PGAP1: variants seen among roughly 807,000 people sequenced by gnomAD.
The protein encoded by PGAP1 is GPI inositol-deacylase.
PGAP1 carries 76 observed loss-of-function variants against 127.0 expected under a neutral mutation model. The ratio of observed to expected loss-of-function variants is 0.60; its 90% CI spans 0.50 to 0.72. PGAP1 has a LOEUF of 0.72. Among genes scored for constraint, PGAP1 ranks in the 30% least tolerant of loss-of-function variants. The probability of loss-of-function intolerance (pLI) is 0.00; values close to 1 mark genes in which losing one functional copy is unlikely to be tolerated. For synonymous variants in PGAP1, 362 were observed against 366.5 expected (o/e 0.99, Z 0.14); for missense variants, 982 against 1,071.3 (o/e 0.92, Z 1.16).
intron 20 of PGAP1, among the ~76,000 whole-genome samples, chr2:196,851,147 T>C (rs1033363458): frequency 1.1e-5 from 1 of 87,824 alleles, no homozygotes; most frequent in African/African-American, 7.4e-5. Flanking sequence ...GGAGTCACTG[T>C]TTTTTTGTTT....
intron 12 of PGAP1, among the ~76,000 whole-genome samples, chr2:196,880,515 T>C (rs918512195): frequency 2.0e-5 from 3 of 152,222 alleles, no homozygotes; most frequent in Non-Finnish European, 4.4e-5. Flanking sequence ...GTATTGTTTC[T>C]ACATTTATTT....
chr2:196,851,917 C>T (rs7557341), intron 20 of PGAP1, among the ~76,000 whole-genome samples: 5 of 151,912 alleles, frequency 3.3e-5, no homozygotes, highest in Non-Finnish European at 4.4e-5. Flanking sequence ...ACATTCTGTT[C>T]GTTAGACATG....
At position 196,889,300 on chromosome 2, in the gene PGAP1, G is replaced by C. The variant is rs560001554; in HGVS notation, c.1173+1528C>G. On this transcript the variant is annotated intron_variant, in intron 10 of 26. Coordinates refer to ENST00000354764, the MANE Select transcript of PGAP1 (RefSeq NM_024989.4). ...TAGGCTGAGAGATGCAAGTCTCTGT[G>C]AGAGATGCAAAAGTCTGGTAATTTC... is the stretch of plus-strand genomic sequence containing the variant. 3.3e-5 allele frequency among the ~76,000 whole-genome samples: 5 copies of C among 152,228 alleles called. No homozygotes were observed. In the South Asian group the frequency reaches 1.0e-3, roughly 32 times the overall value.
Position 196,852,541 on chromosome 2 carries a change from G to T in PGAP1, c.1862-4504C>A, listed in dbSNP as rs4405783. Among the ~76,000 whole-genome samples, 628 of 151,572 alleles carry T rather than the reference G, an allele frequency of 4.1e-3. 4 individuals are homozygous for T. Among genetic ancestry groups the T allele is most frequent in the African/African-American group, 0.014 (584 of 41,262 alleles). On this transcript the variant is annotated intron_variant, in intron 20 of 26. Coordinates refer to ENST00000354764, the MANE Select transcript of PGAP1 (RefSeq NM_024989.4). ...GTATATAAAATATATCAAAAATAAT[G>T]TATTATTGATGAGAAAAATTATAAG...
At chr2:196,883,636 T>G (rs1363023928) in intron 12 of PGAP1, among the ~76,000 whole-genome samples, 1 of 152,230 alleles carries the variant, frequency 6.6e-6, no homozygotes, top group African/African-American at 2.4e-5. Flanking sequence ...CGTGCTTTGA[T>G]GGAGGGCTCC....
At chr2:196,904,817 C>G (rs761732536) in intron 4 of PGAP1, among the ~76,000 whole-genome samples, 1 of 152,100 alleles carries the variant, frequency 6.6e-6, no homozygotes, top group Non-Finnish European at 1.5e-5. Flanking sequence ...GGCTACTTAG[C>G]CTTCATACTT....
chr2:196,879,822 G>T (rs991501868), intron 13 of PGAP1, among the ~76,000 whole-genome samples: 4 of 152,054 alleles, frequency 2.6e-5, no homozygotes, highest in African/African-American at 9.7e-5. Context: ...ATTATTATGT[G>T]CCTAATAATT....
At chr2:196,924,946 T>C (rs996120203) in intron 1 of PGAP1, among the ~76,000 whole-genome samples, 1 of 152,206 alleles carries the variant, frequency 6.6e-6, no homozygotes, top group Non-Finnish European at 1.5e-5. Flanking sequence ...AACTCTTCAA[T>C]GCGGTACAAA....
intron 4 of PGAP1, among the ~76,000 whole-genome samples, chr2:196,904,387 G>C (rs553314761): frequency 2.6e-5 from 4 of 152,264 alleles, no homozygotes; most frequent in African/African-American, 7.2e-5. Flanking sequence ...GGAAAACAAA[G>C]AAAATGAAGA....
At chr2:196,852,804 A>G (rs1424512229) in intron 20 of PGAP1, among the ~76,000 whole-genome samples, 2 of 152,170 alleles carry the variant, frequency 1.3e-5, no homozygotes, top group Non-Finnish European at 2.9e-5. Flanking sequence ...TTTTTGTCCT[A>G]AAGTAAAATG....
At chr2:196,865,832 A>G (rs1164887905) in intron 19 of PGAP1, among the ~76,000 whole-genome samples, 1 of 152,198 alleles carries the variant, frequency 6.6e-6, no homozygotes, top group Non-Finnish European at 1.5e-5. Flanking sequence ...CACCAGTAAC[A>G]GACAAACAGA....
chr2:196,919,328 G>A (rs1703110496), intron 2 of PGAP1, among the ~76,000 whole-genome samples: 1 of 152,180 alleles, frequency 6.6e-6, no homozygotes, highest in Admixed American at 6.5e-5. Context: ...CTGTAGACAC[G>A]TGCTAGATGA....
intron 19 of PGAP1, among the ~76,000 whole-genome samples, chr2:196,865,824 C>T (rs1701221824): frequency 6.6e-6 from 1 of 152,030 alleles, no homozygotes; most frequent in South Asian, 2.1e-4. Flanking sequence ...TTCCTATACA[C>T]CAGTAACAGA....
At chr2:196,842,692 TA>T in intron 26 of PGAP1, 28 bp downstream of exon 26, 1 of 1,201,018 alleles carries the variant, frequency 8.3e-7, no homozygotes, top group Non-Finnish European at 1.2e-6. Flanking sequence ...AGAACAGATA[TA>T]AGAAAAAGAA....
At chr2:196,906,460 T>G (rs1702719887) in intron 4 of PGAP1, among the ~76,000 whole-genome samples, 1 of 25,514 alleles carries the variant, frequency 3.9e-5, no homozygotes, top group African/African-American at 8.7e-5. Flanking sequence ...TACATCACCA[T>G]CATCAAAGAC....
Position 196,844,074 on chromosome 2 carries a change from T to C in PGAP1, c.2339A>G (p.Asn780Ser). 2 of 1,542,574 alleles carry C rather than the reference T, an allele frequency of 1.3e-6. No homozygotes were observed. Among genetic ancestry groups the C allele is most frequent in the Non-Finnish European group, 1.8e-6 (2 of 1,133,958 alleles). ...LTTFKNSQPV[N>S]PKHSRRSEKK... ...TTCACTTCTTCTAGAGTGTTTGGGA[T>C]TCTATAAAACAATAAAGTAGAAATA... The change falls in exon 25 of 27, where the codon AAT becomes AGT. Residue 780 changes from asparagine (N) to serine (S), a missense_variant and splice_region_variant. Transcript: ENST00000354764.
chr2:196,881,275 G>T (rs938743487), intron 12 of PGAP1, among the ~76,000 whole-genome samples: 3 of 152,150 alleles, frequency 2.0e-5, no homozygotes, highest in Non-Finnish European at 4.4e-5. Context: ...TACTATTGAT[G>T]GGAATTTAGG....
At chr2:196,858,713 A>G (rs940826078) in intron 20 of PGAP1, among the ~76,000 whole-genome samples, 2 of 152,140 alleles carry the variant, frequency 1.3e-5, no homozygotes, top group African/African-American at 4.8e-5. Context: ...AGACTGAAAA[A>G]AATACATCAG....
intron 12 of PGAP1, among the ~76,000 whole-genome samples, chr2:196,882,665 G>T (rs1421485511): frequency 2.0e-5 from 3 of 152,108 alleles, no homozygotes; most frequent in African/African-American, 7.2e-5. Context: ...TGTTGTTGGT[G>T]TCAATAGGAA....
Sources: gnomAD v4.1 joint callset for allele counts (sites outside exome capture counted in the v4.1 genomes callset) on GRCh38, gnomAD v4.1.1 for gene constraint, MANE v1.5 for transcripts, NCBI Gene and HGNC (gene_info 2026-07-23, HGNC 2026-07-21) for gene names.